The following TBC1D9 variants were observed in gnomAD, a reference collection of about 807,000 sequenced individuals.
The protein encoded by TBC1D9 is TBC1 domain family member 9, also known as TBC1 domain family member 9A.
Under a neutral mutation model 132.0 loss-of-function variants are expected in TBC1D9, and 63 were observed. The ratio of observed to expected loss-of-function variants is 0.48; its 90% CI spans 0.39 to 0.59. The LOEUF (loss-of-function observed/expected upper bound fraction) is 0.59, where lower values mean the gene tolerates loss of function less well. Ranked by LOEUF, TBC1D9 falls within the 20% of genes least tolerant of loss-of-function variation. The probability of loss-of-function intolerance (pLI) is 0.00; values close to 1 mark genes in which losing one functional copy is unlikely to be tolerated. For synonymous variants in TBC1D9, 610 were observed against 609.9 expected, an observed-to-expected ratio of 1.00 and a Z score of 0.00; for missense variants, 1,261 against 1,592.7, an observed-to-expected ratio of 0.79 and a Z score of 3.54.
At position 140,657,073 on chromosome 4, in the gene TBC1D9, GC is replaced by G. The variant is rs368177687; in HGVS notation, c.2337+23del. ...AGTGTCGAATGCATGGTTAAGCCCT[GC>G]TCAGCCAGGAGACAAGACCTACCTC... is the stretch of plus-strand genomic sequence containing the variant. On this transcript the variant is annotated intron_variant, in intron 13 of 20. Transcript: ENST00000442267. The G allele has an allele frequency of 3.2e-4, 515 of 1,611,490 alleles. 2 individuals are homozygous for G. In the African/African-American group the frequency reaches 6.1e-3, roughly 19 times the overall value.
At chr4:140,644,681 ACAGGAACTCCTGCAGCTG>A in intron 13 of TBC1D9, 1 of 419,850 alleles carries the variant, frequency 2.4e-6, no homozygotes, top group Non-Finnish European at 4.6e-6. Flanking sequence ...TGCTGCAGGT[ACAGGAACTCCTGCAGCTG>A]CAGGAAGTGC....
At position 140,677,072 on chromosome 4, in the gene TBC1D9, C is replaced by T; in HGVS notation, c.881G>A (p.Arg294Lys). 6.2e-7 allele frequency: 1 copy of T among 1,613,900 alleles called. No individual in the cohort carries two copies. The highest frequency in any genetic ancestry group is 8.5e-7 in the Non-Finnish European group (1 of 1,179,866). ...GGGCAGCCGGAAAAGTGCACGGTAT[C>T]TCTCACTCTTTGCCCTGGCATCAAG... ...RDLDARAKSE[R>K]YRALFRLPKD... The change falls in exon 6 of 21, where the codon AGA (arginine) becomes AAA (lysine). Residue 294 changes from arginine (R) to lysine (K), a missense_variant. Coordinates refer to ENST00000442267, the MANE Select transcript of TBC1D9 (RefSeq NM_015130.3).
intron 1 of TBC1D9, among the ~76,000 whole-genome samples, chr4:140,728,853 G>A (rs987511108): frequency 2.0e-5 from 3 of 151,852 alleles, no homozygotes; most frequent in Admixed American, 2.0e-4. Flanking sequence ...TAGTAGAGAC[G>A]GTGTTTCACC....
chr4:140,683,018 C>G (rs1249329997), intron 3 of TBC1D9, among the ~76,000 whole-genome samples: 1 of 152,102 alleles, frequency 6.6e-6, no homozygotes, highest in Non-Finnish European at 1.5e-5. Flanking sequence ...TCCCGAGTAG[C>G]TGGGATTACA....
intron 1 of TBC1D9, among the ~76,000 whole-genome samples, chr4:140,749,188 A>G (rs185036290): frequency 6.6e-6 from 1 of 152,194 alleles, no homozygotes; most frequent in Admixed American, 6.5e-5. Context: ...CAACATAGTG[A>G]GACCCTGGCT....
chr4:140,708,156 T>C (rs1400358735), intron 1 of TBC1D9, among the ~76,000 whole-genome samples: 1 of 152,208 alleles, frequency 6.6e-6, no homozygotes, highest in African/African-American at 2.4e-5. Flanking sequence ...AGAATTATTT[T>C]AAGAACTAAT....
intron 9 of TBC1D9, among the ~76,000 whole-genome samples, chr4:140,662,673 T>C (rs184418107): frequency 1.3e-5 from 2 of 152,240 alleles, no homozygotes; most frequent in African/African-American, 4.8e-5. Context: ...CAGTGGTGAG[T>C]CATCATTGTT....
intron 1 of TBC1D9, among the ~76,000 whole-genome samples, chr4:140,733,912 C>A (rs1738636457): frequency 6.6e-6 from 1 of 151,840 alleles, no homozygotes; most frequent in Non-Finnish European, 1.5e-5. Context: ...CCTCTTCTTC[C>A]TTTCCTCCCT....
At chr4:140,674,677 A>ATAT (rs1553969843) in intron 6 of TBC1D9, among the ~76,000 whole-genome samples, 1 of 111,190 alleles carries the variant, frequency 9.0e-6, no homozygotes, top group African/African-American at 3.5e-5. Flanking sequence ...TTGTAGAAGA[A>ATAT]TATATATATA....
chr4:140,740,605 T>C (rs981049207), intron 1 of TBC1D9, among the ~76,000 whole-genome samples: 9 of 152,212 alleles, frequency 5.9e-5, no homozygotes, highest in Admixed American at 5.9e-4. Flanking sequence ...CCTTACATCA[T>C]ACCTTCCCCT....
chr4:140,724,376 G>A (rs1430547961), intron 1 of TBC1D9, among the ~76,000 whole-genome samples: 3 of 152,198 alleles, frequency 2.0e-5, no homozygotes. Flanking sequence ...CAAGAATGAT[G>A]TAGAATGAGC....
In TBC1D9 at chr4:140,657,826, G is replaced by A. The variant is rs1737296140; in HGVS notation, c.1922-14C>T. The A allele has an allele frequency of 6.2e-7, 1 of 1,603,740 alleles. No individual in the cohort carries two copies. Among genetic ancestry groups the A allele is most frequent in the Non-Finnish European group, 8.5e-7 (1 of 1,175,280 alleles). On this transcript the variant is annotated splice_polypyrimidine_tract_variant and intron_variant, in intron 11 of 20. Coordinates refer to ENST00000442267, the MANE Select transcript of TBC1D9 (RefSeq NM_015130.3). ...CCACCAGTGCACCTGTGGCAGCGAT[G>A]TATACAAAAAGGCGCAGCTTAGCCA...
intron 2 of TBC1D9, among the ~76,000 whole-genome samples, chr4:140,694,343 G>T (rs925933417): frequency 6.6e-6 from 1 of 152,112 alleles, no homozygotes. Flanking sequence ...GGCCGAGGTG[G>T]GTGAATCACT....
At chr4:140,675,249 G>C (rs1737605844) in intron 6 of TBC1D9, among the ~76,000 whole-genome samples, 1 of 151,624 alleles carries the variant, frequency 6.6e-6, no homozygotes, top group African/African-American at 2.4e-5. Flanking sequence ...ACAAATTCTG[G>C]GATAAAGATA....
chr4:140,686,509 T>C lies in TBC1D9; in HGVS notation c.242-47A>G, dbSNP rs368775937. 2.3e-6 allele frequency: 3 copies of C among 1,279,016 alleles called. No individual in the cohort carries two copies. The African/African-American group carries it at 4.5e-5, about 19-fold the overall frequency. 79.2% of individuals were successfully genotyped at this position (1,279,016 alleles called of 1,614,324 possible). On this transcript the variant is annotated intron_variant, in intron 2 of 20. Coordinates refer to ENST00000442267, the MANE Select transcript of TBC1D9 (RefSeq NM_015130.3). Reference sequence around the variant, plus strand: ...TTCATGTCAGATTTCATGCCAAAGATATTTTAAAAACCAGGCTCACTTTTT... The same window carrying C: ...TTCATGTCAGATTTCATGCCAAAGACATTTTAAAAACCAGGCTCACTTTTT...
intron 1 of TBC1D9, among the ~76,000 whole-genome samples, chr4:140,736,283 G>A (rs1458309764): frequency 6.6e-6 from 1 of 152,158 alleles, no homozygotes; most frequent in Non-Finnish European, 1.5e-5. Context: ...GCTCACATCT[G>A]TAATCCCAGC....
In TBC1D9 at chr4:140,641,090, C is replaced by CAAAAAAAAAAAAAAAAAA. The variant is rs35813378; in HGVS notation, c.2338-1663_2338-1662insTTTTTTTTTTTTTTTTTT. ...TAAATCTTACAATCATAATACTAAG[C>CAAAAAAAAAAAAAAAAAA]AAAAAAAAAAAAAACAAAAAAAAAC... On this transcript the variant is annotated intron_variant, in intron 13 of 20. Coordinates refer to ENST00000442267, the MANE Select transcript of TBC1D9 (RefSeq NM_015130.3). Among the ~76,000 whole-genome samples, 83 of 34,998 alleles carry CAAAAAAAAAAAAAAAAAA rather than the reference C, an allele frequency of 2.4e-3. 2 individuals carry two copies. Among genetic ancestry groups the CAAAAAAAAAAAAAAAAAA allele is most frequent in the South Asian group, 4.2e-3 (3 of 722 alleles). The allele number at this position is 34,998 out of a possible 152,430, so 23.0% of individuals were successfully genotyped here.
rs560857439 is a variant in TBC1D9, at chr4:140,700,310, C to T, written c.241+1194G>A. ...ACTAAAAATATAAAAATTAGCTGGGCGTGGTGGCATGAGCCTGTAATCCCA... is the reference window on the plus strand; with the variant it reads ...ACTAAAAATATAAAAATTAGCTGGGTGTGGTGGCATGAGCCTGTAATCCCA... On this transcript the variant is annotated intron_variant, in intron 2 of 20. Transcript: ENST00000442267. 2.5e-3 allele frequency among the ~76,000 whole-genome samples: 379 copies of T among 151,266 alleles called. 1 individual carries two copies. Among genetic ancestry groups the T allele is most frequent in the African/African-American group, 8.5e-3 (352 of 41,192 alleles).
intron 13 of TBC1D9, chr4:140,643,430 G>C: frequency 4.2e-6 from 4 of 958,178 alleles, no homozygotes; most frequent in African/African-American, 3.2e-5. Flanking sequence ...CTTCCAGGCC[G>C]GGCAGGAACT....
Sources: gnomAD v4.1 joint callset for allele counts (sites outside exome capture counted in the v4.1 genomes callset) on GRCh38, gnomAD v4.1.1 for gene constraint, MANE v1.5 for transcripts, NCBI Gene and HGNC (gene_info 2026-07-23, HGNC 2026-07-21) for gene names.